Variants in SOX6 observed in about 807,000 individuals in gnomAD.
SOX6 encodes the protein transcription factor SOX-6.
A neutral mutation model predicts 97.8 loss-of-function variants in SOX6; 11 were observed. The ratio of observed to expected loss-of-function variants is 0.11; its 90% CI spans 0.07 to 0.19. The LOEUF (loss-of-function observed/expected upper bound fraction) is 0.19. Among genes scored for constraint, SOX6 ranks in the 10% least tolerant of loss-of-function variants. The pLI, the probability that SOX6 is intolerant of heterozygous loss-of-function variation, is 1.00. For synonymous variants in SOX6, 360 were observed against 371.4 expected (o/e 0.97, Z 0.35); for missense variants, 810 against 1,039.5 (o/e 0.78, Z 3.04).
At chr11:15,974,712 C>A (rs1304260664) in intron 15 of SOX6, among the ~76,000 whole-genome samples, 2 of 152,056 alleles carry the variant, frequency 1.3e-5, no homozygotes, top group Admixed American at 1.3e-4. Context: ...TCCAGCCTGG[C>A]AGAGGGAGAA....
chr11:16,706,313 T>G (rs1254785214), intron 3 of SOX6, among the ~76,000 whole-genome samples: 1 of 148,976 alleles, frequency 6.7e-6, no homozygotes, highest in African/African-American at 2.5e-5. Context: ...CTGGGTATAG[T>G]AACACATTCC....
At chr11:16,486,812 C>T (rs973928776) in intron 4 of SOX6, among the ~76,000 whole-genome samples, 6 of 152,108 alleles carry the variant, frequency 3.9e-5, no homozygotes, top group African/African-American at 1.2e-4. Flanking sequence ...TGCGCCACTG[C>T]ACTCTGGCCT....
At chr11:16,692,942 G>GT (rs532150190) in intron 3 of SOX6, among the ~76,000 whole-genome samples, 34 of 152,242 alleles carry the variant, frequency 2.2e-4, no homozygotes, top group Admixed American at 8.5e-4. Context: ...TTAAATGTTA[G>GT]TAACAGTCAA....
intron 9 of SOX6, among the ~76,000 whole-genome samples, chr11:16,068,413 G>C (rs551896520): frequency 3.9e-5 from 6 of 152,306 alleles, no homozygotes; most frequent in Non-Finnish European, 8.8e-5. Context: ...GGTAGGGAGA[G>C]AGCTTCAAAT....
rs573688009 is a variant in SOX6, at chr11:15,968,304, C to T, written c.*4505G>A. On this transcript the variant is annotated 3_prime_UTR_variant, in exon 16 of 16. Transcript: ENST00000683767. ...ACAGCAACCATTTTTGTCATTTTCT[C>T]ATTAAAAAGGAAGACCCAGTAGTAA... The T allele has an allele frequency of 6.6e-5, 10 of 152,312 alleles. No homozygotes were observed. The highest frequency in any genetic ancestry group is 1.9e-4 in the African/African-American group (8 of 41,574). The allele number at this position is 152,312 out of a possible 1,614,324, so 9.4% of individuals were successfully genotyped here.
intron 3 of SOX6, among the ~76,000 whole-genome samples, chr11:16,666,634 G>A (rs750023294): frequency 1.1e-4 from 16 of 152,090 alleles, no homozygotes; most frequent in South Asian, 2.1e-4. Flanking sequence ...GGCAAAACCC[G>A]TCTCTACTAA....
At chr11:16,539,233 A>G (rs1431386905) in intron 4 of SOX6, among the ~76,000 whole-genome samples, 1 of 151,782 alleles carries the variant, frequency 6.6e-6, no homozygotes, top group Non-Finnish European at 1.5e-5. Flanking sequence ...TACTGGGTAA[A>G]TAACGAAGGC....
intron 3 of SOX6, among the ~76,000 whole-genome samples, chr11:16,689,049 T>G (rs981071400): frequency 6.6e-6 from 1 of 152,210 alleles, no homozygotes; most frequent in African/African-American, 2.4e-5. Context: ...CCTTATTAAT[T>G]ATGATATTTT....
At chr11:16,365,215 G>A (rs1206013108) in intron 1 of SOX6, among the ~76,000 whole-genome samples, 2 of 151,898 alleles carry the variant, frequency 1.3e-5, no homozygotes, top group African/African-American at 2.4e-5. Flanking sequence ...ATAGGGTTCA[G>A]TACTATCTGT....
chr11:15,999,359 C>T (rs1283348065), intron 13 of SOX6, among the ~76,000 whole-genome samples: 4 of 151,962 alleles, frequency 2.6e-5, no homozygotes, highest in African/African-American at 9.7e-5. Context: ...TATGACCCAG[C>T]AAACAAATTA....
intron 9 of SOX6, among the ~76,000 whole-genome samples, chr11:16,058,010 A>G (rs888301594): frequency 6.6e-5 from 10 of 151,542 alleles, no homozygotes; most frequent in African/African-American, 9.7e-5. Context: ...TTCGATCCAA[A>G]CTCATGTCTT....
chr11:16,411,422 A>G (rs572539126), intron 1 of SOX6, among the ~76,000 whole-genome samples: 1 of 152,306 alleles, frequency 6.6e-6, no homozygotes, highest in South Asian at 2.1e-4. Context: ...TATAAGGGCT[A>G]GGGAAAAAAC....
intron 4 of SOX6, among the ~76,000 whole-genome samples, chr11:16,594,636 T>C (rs1848189802): frequency 6.6e-6 from 1 of 151,746 alleles, no homozygotes; most frequent in African/African-American, 2.4e-5. Flanking sequence ...ATTTAAACTT[T>C]GTTCAGCTGC....
chr11:16,619,230 C>A (rs1320010958), intron 3 of SOX6, among the ~76,000 whole-genome samples: 1 of 149,836 alleles, frequency 6.7e-6, no homozygotes, highest in Non-Finnish European at 1.5e-5. Context: ...AATCATGAGC[C>A]CGTATTACCA....
chr11:16,326,773 G>A (rs1011454878), intron 2 of SOX6, among the ~76,000 whole-genome samples: 1 of 152,152 alleles, frequency 6.6e-6, no homozygotes, highest in Non-Finnish European at 1.5e-5. Flanking sequence ...GCTATCTGTA[G>A]GTCAGGAATT....
At chr11:16,424,252 A>G (rs1859079030) in intron 1 of SOX6, among the ~76,000 whole-genome samples, 1 of 152,246 alleles carries the variant, frequency 6.6e-6, no homozygotes, top group South Asian at 2.1e-4. Context: ...AAACTATTTT[A>G]AGAAGAAATC....
At chr11:16,015,154 TC>T in intron 12 of SOX6, 104 bp from the exon 13 acceptor site, 1 of 971,988 alleles carries the variant, frequency 1.0e-6, no homozygotes, top group Non-Finnish European at 1.6e-6. Flanking sequence ...TTCAAAAATA[TC>T]ATTTCTGACC....
At chr11:16,723,457 C>T (rs1420291864) in intron 2 of SOX6, among the ~76,000 whole-genome samples, 2 of 151,794 alleles carry the variant, frequency 1.3e-5, no homozygotes, top group African/African-American at 4.8e-5. Context: ...AACAAACCTT[C>T]ACATGTACCC....
chr11:16,655,880 G>A (rs1315737508), intron 3 of SOX6, among the ~76,000 whole-genome samples: 1 of 151,886 alleles, frequency 6.6e-6, no homozygotes, highest in Non-Finnish European at 1.5e-5. Flanking sequence ...GAGGCAGGAG[G>A]ATCACTTGAG....
Sources: gnomAD v4.1 joint callset for allele counts (sites outside exome capture counted in the v4.1 genomes callset) on GRCh38, gnomAD v4.1.1 for gene constraint, MANE v1.5 for transcripts, NCBI Gene and HGNC (gene_info 2026-07-23, HGNC 2026-07-21) for gene names.